Variants in ENTREP2 observed in about 807,000 individuals in gnomAD.
The protein encoded by ENTREP2 is endosomal transmembrane epsin interactor 2, also known as protein ENTREP2.
At chr15:29,235,829 T>A in the ENTREP2 span, among the ~76,000 whole-genome samples, 5 of 152,134 alleles carry the variant, frequency 3.3e-5, no homozygotes, top group African/African-American at 1.2e-4. Context: ...CTGGGCATGG[T>A]GGCGGGTGCC....
the ENTREP2 span, among the ~76,000 whole-genome samples, chr15:29,322,767 C>T: frequency 3.9e-4 from 60 of 152,294 alleles, 1 homozygote; most frequent in Middle Eastern, 0.014. Flanking sequence ...GTGACCACAC[C>T]CACCCTCCTT....
chr15:29,487,291 GAC>G, the ENTREP2 span, among the ~76,000 whole-genome samples: 21 of 152,176 alleles, frequency 1.4e-4, no homozygotes, highest in Non-Finnish European at 7.4e-5. Flanking sequence ...AGCCTGAGAA[GAC>G]CCCAGTCTTT....
the ENTREP2 span, among the ~76,000 whole-genome samples, chr15:29,271,181 A>G: frequency 6.6e-6 from 1 of 152,226 alleles, no homozygotes; most frequent in Non-Finnish European, 1.5e-5. Context: ...ATGCAACTAT[A>G]TCCTCAGGCA....
chr15:29,357,166 A>G, the ENTREP2 span, among the ~76,000 whole-genome samples: 1 of 152,246 alleles, frequency 6.6e-6, no homozygotes, highest in African/African-American at 2.4e-5. Flanking sequence ...CTCACAGCAT[A>G]TACAAAATTT....
chr15:29,298,360 G>C, the ENTREP2 span, among the ~76,000 whole-genome samples: 18,418 of 149,814 alleles, frequency 0.12, 1,514 homozygotes, highest in African/African-American at 0.24. Context: ...CTTCAGAAAA[G>C]AGAAAAAAAA....
At chr15:29,143,168 C>G in the ENTREP2 span, among the ~76,000 whole-genome samples, 1 of 152,208 alleles carries the variant, frequency 6.6e-6, no homozygotes, top group African/African-American at 2.4e-5. Flanking sequence ...CCCACCAGCA[C>G]TGGACACATA....
At chr15:29,397,458 G>A in the ENTREP2 span, among the ~76,000 whole-genome samples, 18 of 152,092 alleles carry the variant, frequency 1.2e-4, no homozygotes, top group African/African-American at 2.9e-4. Context: ...AATGCAAAGT[G>A]GAATAAGAGG....
chr15:29,352,431 T>C, the ENTREP2 span, among the ~76,000 whole-genome samples: 1 of 152,214 alleles, frequency 6.6e-6, no homozygotes, highest in Non-Finnish European at 1.5e-5. Context: ...GAAGTTTTAT[T>C]GTTTTTGACA....
At chr15:29,623,703 G>A in the ENTREP2 span, among the ~76,000 whole-genome samples, 3 of 152,142 alleles carry the variant, frequency 2.0e-5, no homozygotes, top group African/African-American at 7.2e-5. Flanking sequence ...CTAAAAGGAG[G>A]CAATCAGATA....
chr15:29,594,854 C>T, the ENTREP2 span, among the ~76,000 whole-genome samples: 1 of 151,752 alleles, frequency 6.6e-6, no homozygotes, highest in Non-Finnish European at 1.5e-5. Flanking sequence ...ATCACGAGGT[C>T]AGGAGATCGA....
At chr15:29,635,331 A>G in the ENTREP2 span, among the ~76,000 whole-genome samples, 2 of 152,134 alleles carry the variant, frequency 1.3e-5, no homozygotes, top group Admixed American at 6.5e-5. Flanking sequence ...GTGCAAAAAG[A>G]CATCACTGTG....
the ENTREP2 span, among the ~76,000 whole-genome samples, chr15:29,197,116 G>T: frequency 6.6e-6 from 1 of 152,170 alleles, no homozygotes; most frequent in Non-Finnish European, 1.5e-5. Context: ...ACAAGTTGTA[G>T]GTGTTCAATA....
the ENTREP2 span, among the ~76,000 whole-genome samples, chr15:29,223,604 C>T: frequency 6.6e-6 from 1 of 152,126 alleles, no homozygotes; most frequent in Admixed American, 6.5e-5. Flanking sequence ...AGAAACAGTT[C>T]GGATGGTCTT....
At chr15:29,150,919 G>A in the ENTREP2 span, among the ~76,000 whole-genome samples, 19,131 of 152,050 alleles carry the variant, frequency 0.13, 2,026 homozygotes, top group African/African-American at 0.28. Flanking sequence ...GAAAGAGACC[G>A]AGGCAGAAAG....
At chr15:29,491,242 G>A in the ENTREP2 span, among the ~76,000 whole-genome samples, 1 of 152,052 alleles carries the variant, frequency 6.6e-6, no homozygotes, top group East Asian at 1.9e-4. Flanking sequence ...CCTGGTTCCT[G>A]CCCGCACCCC....
the ENTREP2 span, among the ~76,000 whole-genome samples, chr15:29,444,272 A>T: frequency 6.7e-6 from 1 of 149,792 alleles, no homozygotes; most frequent in Non-Finnish European, 1.5e-5. Context: ...AGAAGGGGAT[A>T]GGGGAAAAGC....
the ENTREP2 span, among the ~76,000 whole-genome samples, chr15:29,647,690 C>A: frequency 6.6e-6 from 1 of 152,114 alleles, no homozygotes; most frequent in East Asian, 1.9e-4. Flanking sequence ...ATTTAAAGGA[C>A]ATACTCCCAA....
At chr15:29,628,075 C>T in the ENTREP2 span, among the ~76,000 whole-genome samples, 45 of 152,328 alleles carry the variant, frequency 3.0e-4, no homozygotes, top group South Asian at 6.2e-4. Context: ...TCCACAGTGA[C>T]TGCATCATTT....
the ENTREP2 span, among the ~76,000 whole-genome samples, chr15:29,298,790 A>C: frequency 2.6e-5 from 4 of 152,222 alleles, no homozygotes; most frequent in African/African-American, 9.6e-5. Flanking sequence ...TGACCATTTA[A>C]GGAAGAGATA....
Sources: gnomAD v4.1 joint callset for allele counts (sites outside exome capture counted in the v4.1 genomes callset) on GRCh38, gnomAD v4.1.1 for gene constraint, MANE v1.5 for transcripts, NCBI Gene and HGNC (gene_info 2026-07-23, HGNC 2026-07-21) for gene names.